Variants in ATP13A4 observed in about 807,000 individuals in gnomAD.
ATP13A4 encodes the protein probable cation-transporting ATPase 13A4.
In ATP13A4, 114 loss-of-function variants were observed where a neutral mutation model predicts 142.5. The observed-to-expected ratio is 0.80, with a 90% CI of 0.69 to 0.93. The LOEUF is 0.93. ATP13A4 is among the 40% of genes least tolerant of loss of function. The pLI, the probability that ATP13A4 is intolerant of heterozygous loss-of-function variation, is 0.00. For missense variants in ATP13A4, 1,392 were observed against 1,454.0 expected, an observed-to-expected ratio of 0.96 and a Z score of 0.69; for synonymous variants, 488 against 514.8, an observed-to-expected ratio of 0.95 and a Z score of 0.70.
Position 193,552,750 on chromosome 3 carries a change from C to T in ATP13A4, c.60+1990G>A, listed in dbSNP as rs543786657. On this transcript the variant is annotated intron_variant, in intron 1 of 29. Coordinates refer to ENST00000342695, the MANE Select transcript of ATP13A4 (RefSeq NM_032279.4). ...AGCTGTCAACTTAAACTAACCTGTG[C>T]GGTGCCTCAGCTCCTGGACTTACTG... Among the ~76,000 whole-genome samples the T allele has an allele frequency of 7.9e-5, 12 of 152,290 alleles. 1 individual carries two copies. Among genetic ancestry groups the T allele is most frequent in the Admixed American group, 2.0e-4 (3 of 15,286 alleles).
At chr3:193,584,159 T>C (rs1437927063) in intron 1 of ATP13A4, among the ~76,000 whole-genome samples, 7 of 152,192 alleles carry the variant, frequency 4.6e-5, no homozygotes, top group African/African-American at 4.8e-5. Context: ...TGCTGACCAG[T>C]TGACCCTAGA....
chr3:193,502,296 C>T (rs1720593843), intron 3 of ATP13A4, among the ~76,000 whole-genome samples, 197 bp downstream of exon 3: 1 of 152,170 alleles, frequency 6.6e-6, no homozygotes, highest in Admixed American at 6.5e-5. Flanking sequence ...AAAACAGGCT[C>T]AGCAGAGTTA....
intron 13 of ATP13A4, among the ~76,000 whole-genome samples, chr3:193,461,898 A>G (rs534282600): frequency 6.6e-6 from 1 of 152,238 alleles, no homozygotes; most frequent in African/African-American, 2.4e-5. Context: ...CCATGCTGAG[A>G]ACTGTCAAAA....
chr3:193,536,023 A>G (rs1187915947), intron 1 of ATP13A4, among the ~76,000 whole-genome samples: 2 of 152,036 alleles, frequency 1.3e-5, no homozygotes, highest in Non-Finnish European at 2.9e-5. Flanking sequence ...CTCTGGGCCT[A>G]TACAGTTCCA....
chr3:193,444,778 C>T (rs1012233768), intron 18 of ATP13A4, among the ~76,000 whole-genome samples: 4 of 152,218 alleles, frequency 2.6e-5, no homozygotes, highest in African/African-American at 9.7e-5. Flanking sequence ...GCTGGCTATC[C>T]TTAACATAGC....
rs1034644341 is a variant in ATP13A4, at chr3:193,504,020, T to TGTGTGTGTGTGA, written c.235-1382_235-1381insTCACACACACAC. On this transcript the variant is annotated intron_variant, in intron 2 of 29. Coordinates refer to ENST00000342695, the MANE Select transcript of ATP13A4 (RefSeq NM_032279.4). ...ATGTGTGTGTGTGTGTGTGTGTGTG[T>TGTGTGTGTGTGA]GAGAGAGAGAGAGAGAGAGAGAAAG... Among the ~76,000 whole-genome samples the TGTGTGTGTGTGA allele has an allele frequency of 3.5e-3, 501 of 144,302 alleles. 6 individuals carry two copies. Among genetic ancestry groups the TGTGTGTGTGTGA allele is most frequent in the Middle Eastern group, 0.021 (6 of 286 alleles). 94.7% of individuals were successfully genotyped at this position (144,302 alleles called of 152,430 possible). A position where few individuals can be genotyped will look rare whatever the true frequency, so the allele number is the denominator to read the frequency against.
At chr3:193,520,285 C>A (rs1335943116) in intron 1 of ATP13A4, among the ~76,000 whole-genome samples, 2 of 152,128 alleles carry the variant, frequency 1.3e-5, no homozygotes, top group African/African-American at 4.8e-5. Context: ...TGTATTATCT[C>A]CCTGGACACT....
In ATP13A4 at chr3:193,399,845, C is replaced by CCAA. The variant is rs1714207938; in HGVS notation, c.*2806_*2807insTTG. ...TGGGCAACAGAGTGAGACTCCATCT[C>CCAA]AAAAAAAAAAAAAAAAAAAAAAGGT... is the stretch of plus-strand genomic sequence containing the variant. On this transcript the variant is annotated 3_prime_UTR_variant, in exon 30 of 30. Transcript: ENST00000342695. 2.8e-5 allele frequency among the ~76,000 whole-genome samples: 2 copies of CCAA among 72,708 alleles called. No homozygotes were observed. The highest frequency in any genetic ancestry group is 2.0e-4 in the Admixed American group (1 of 4,950). The allele number at this position is 72,708 out of a possible 152,430, so 47.7% of individuals were successfully genotyped here.
At chr3:193,470,309 C>T (rs1052203389) in intron 9 of ATP13A4, among the ~76,000 whole-genome samples, 1 of 152,156 alleles carries the variant, frequency 6.6e-6, no homozygotes, top group Non-Finnish European at 1.5e-5. Context: ...AGCTCCAGCA[C>T]TGCCATTTGA....
intron 9 of ATP13A4, among the ~76,000 whole-genome samples, chr3:193,469,502 T>C (rs1718494900): frequency 6.6e-6 from 1 of 152,186 alleles, no homozygotes; most frequent in Non-Finnish European, 1.5e-5. Context: ...GGTGCACACC[T>C]GTAATTCCAG....
chr3:193,567,784 C>T (rs1724166332), intron 2 of ATP13A4, among the ~76,000 whole-genome samples: 1 of 152,026 alleles, frequency 6.6e-6, no homozygotes, highest in African/African-American at 2.4e-5. Flanking sequence ...TTCTTTCCTC[C>T]CCACCAGCCC....
At chr3:193,512,804 G>T (rs1009814062) in intron 2 of ATP13A4, among the ~76,000 whole-genome samples, 1 of 152,124 alleles carries the variant, frequency 6.6e-6, no homozygotes, top group Non-Finnish European at 1.5e-5. Flanking sequence ...TCACTCACAC[G>T]TGAGCTAGGG....
At chr3:193,479,639 T>C (rs554200794) in intron 8 of ATP13A4, among the ~76,000 whole-genome samples, 6 of 152,174 alleles carry the variant, frequency 3.9e-5, no homozygotes, top group Admixed American at 1.3e-4. Flanking sequence ...AATGGAAATA[T>C]GTCCCATGCT....
Position 193,412,325 on chromosome 3 carries a change from G to A in ATP13A4, c.3061C>T (p.Pro1021Ser). 1 of 1,614,158 alleles carries A rather than the reference G, an allele frequency of 6.2e-7. No homozygotes were observed. Among genetic ancestry groups the A allele is most frequent in the Non-Finnish European group, 8.5e-7 (1 of 1,180,022 alleles). The change falls in exon 27 of 30, where the codon CCA (proline) becomes TCA (serine). Residue 1021 changes from proline (P) to serine (S), a missense_variant. Coordinates refer to ENST00000342695, the MANE Select transcript of ATP13A4 (RefSeq NM_032279.4). The part of the protein sequence containing the change: ...NESISELTMS[P>S]TAPEKMESNS... ...CTTTCCATTTTTTCTGGAGCAGTTG[G>A]AGACATGGTTAACTCTGAGATGCTT...
chr3:193,516,848 C>T (rs1721444901), intron 1 of ATP13A4, among the ~76,000 whole-genome samples: 1 of 152,060 alleles, frequency 6.6e-6, no homozygotes, highest in Non-Finnish European at 1.5e-5. Flanking sequence ...TCATTGCCAA[C>T]ATAAAGTAAA....
At chr3:193,441,728 C>G in intron 19 of ATP13A4, 140 bp from the exon 20 acceptor site, 1 of 1,001,412 alleles carries the variant, frequency 1.0e-6, no homozygotes, top group Non-Finnish European at 1.5e-6. Context: ...GAAGCATTTT[C>G]TTTTTGCTGG....
intron 1 of ATP13A4, among the ~76,000 whole-genome samples, chr3:193,542,808 C>T (rs1019607780): frequency 6.6e-6 from 1 of 152,164 alleles, no homozygotes; most frequent in Non-Finnish European, 1.5e-5. Flanking sequence ...CCTGTCCTTA[C>T]ACCTTATACA....
chr3:193,484,073 C>T, intron 7 of ATP13A4, 68 bp from the exon 8 acceptor site: 1 of 1,352,944 alleles, frequency 7.4e-7, no homozygotes, highest in Admixed American at 1.7e-5. Flanking sequence ...TATTAAGGTG[C>T]TAGGCTTCTT....
At chr3:193,570,028 G>A (rs779692917) in intron 2 of ATP13A4, among the ~76,000 whole-genome samples, 2 of 152,060 alleles carry the variant, frequency 1.3e-5, no homozygotes, top group Non-Finnish European at 1.5e-5. Flanking sequence ...AGCAGGGTGC[G>A]GTGGCTCATG....
Sources: allele counts gnomAD v4.1 joint callset (sites outside exome capture counted in the v4.1 genomes callset), GRCh38; gene constraint gnomAD v4.1.1; transcripts MANE v1.5; gene names NCBI Gene and HGNC (gene_info 2026-07-23, HGNC 2026-07-21).